The following OR5D13 variants were observed in gnomAD, a reference collection of about 807,000 sequenced individuals.
OR5D13 encodes olfactory receptor family 5 subfamily D member 13.
For synonymous variants in OR5D13, 192 were observed against 134.3 expected (o/e 1.43, Z -2.97); for missense variants, 470 against 372.1 (o/e 1.26, Z -2.16).
In OR5D13 at chr11:55,774,018, C is replaced by T. The variant is rs546719716; in HGVS notation, c.581C>T (p.Pro194Leu). 2 of 1,613,042 alleles carry T rather than the reference C, an allele frequency of 1.2e-6. No individual in the cohort carries two copies. The highest frequency in any genetic ancestry group is 1.7e-5 in the Admixed American group (1 of 59,936). Residue 194 changes from proline (P) to leucine (L), a missense_variant, in exon 1 of 1, where the codon CCC (proline) becomes CTC (leucine). Transcript: ENST00000623930. ...SVIVSASYSDPYISQRLCFII... is the reference protein window; with the variant it reads ...SVIVSASYSDLYISQRLCFII... Reference sequence around the variant, plus strand: ...ATTGTTTCTGCCTCCTACTCAGACCCCTATATCAGCCAGAGGCTATGCTTT... The same window carrying T: ...ATTGTTTCTGCCTCCTACTCAGACCTCTATATCAGCCAGAGGCTATGCTTT...
rs1458817654 is a variant in OR5D13 at position 55,773,505 on chromosome 11, C to A, written c.68C>A (p.Pro23Gln). 2 of 1,613,194 alleles carry A rather than the reference C, an allele frequency of 1.2e-6. No individual in the cohort carries two copies. The highest frequency in any genetic ancestry group is 1.7e-6 in the Non-Finnish European group (2 of 1,179,656). The change falls in exon 1 of 1, where the codon CCA becomes CAA. Residue 23 changes from proline to glutamine, a missense_variant. Transcript: ENST00000623930. ...ATTCTCTTGGGTTTTTCAGAATACCCAGAAATCCAGGTTCCACTCTTTCTG... is the reference window on the plus strand; with the variant it reads ...ATTCTCTTGGGTTTTTCAGAATACCAAGAAATCCAGGTTCCACTCTTTCTG... ...TFILLGFSEY[P>Q]EIQVPLFLVF... is the part of the protein sequence containing the mutation.
chr11:55,773,944 G>A lies in OR5D13; in HGVS notation c.507G>A (p.Ser169=), dbSNP rs145617109. 2.2e-5 allele frequency: 36 copies of A among 1,613,358 alleles called. No homozygotes were observed. The highest frequency in any genetic ancestry group is 1.6e-4 in the Middle Eastern group (1 of 6,082). Reference sequence around the variant, plus strand: ...TCACATATTTTCTTCTTGACTTATCGTTTTGTGAATCTACCTTCATAAATA... The same window carrying A: ...TCACATATTTTCTTCTTGACTTATCATTTTGTGAATCTACCTTCATAAATA... ...LILTYFLLDL[S]FCESTFINNF... Residue 169 remains serine, a synonymous_variant, in exon 1 of 1, where the codon TCG becomes TCA. Coordinates refer to ENST00000623930, the MANE Select transcript of OR5D13 (RefSeq NM_001001967.1).
Position 55,774,033 on chromosome 11 carries a change from G to A in OR5D13, c.596G>A (p.Arg199Lys), listed in dbSNP as rs146084338. The A allele has an allele frequency of 4.3e-4, 690 of 1,613,488 alleles. 4 individuals carry two copies. Among genetic ancestry groups the A allele is most frequent in the South Asian group, 8.5e-4 (77 of 91,072 alleles). The change falls in exon 1 of 1, where the codon AGG becomes AAG. Residue 199 changes from arginine to lysine, a missense_variant. Arg to Lys is a conservative substitution (Grantham distance 26). Transcript: ENST00000623930. ...TACTCAGACCCCTATATCAGCCAGA[G>A]GCTATGCTTTATTATTGCCATATTC... ...ASYSDPYISQ[R>K]LCFIIAIFNE... is the part of the protein sequence containing the mutation.
rs1157043969 is a variant in OR5D13, at chr11:55,774,056, T to C, written c.619T>C (p.Phe207Leu). The C allele has an allele frequency of 2.5e-6, 4 of 1,613,718 alleles. No homozygotes were observed. The African/African-American group carries it at 5.3e-5, about 22-fold the overall frequency. ...GAGGCTATGCTTTATTATTGCCATA[T>C]TCAATGAGGTGAGCAGCCTAATTAT... ...SQRLCFIIAI[F>L]NEVSSLIIIL... Residue 207 changes from phenylalanine (F) to leucine (L), a missense_variant, in exon 1 of 1, where the codon TTC becomes CTC. Transcript: ENST00000623930.
rs1590568974 is a variant in OR5D13 at position 55,774,093 on chromosome 11, C to A, written c.656C>A (p.Ser219Ter). ...AGCAGCCTAATTATCATTCTGACAT[C>A]ATATATGCTTATTTTCACTACCATT... is the stretch of plus-strand genomic sequence containing the variant. ...EVSSLIIILTSYMLIFTTIMK... is the reference protein window; with the variant it reads ...EVSSLIIILT The change falls in exon 1 of 1, where the codon TCA becomes TAA. Residue 219 changes from serine (S) to a stop codon, truncating the protein, a stop_gained. Transcript: ENST00000623930. LOFTEE classifies it low-confidence loss of function (END_TRUNC). 6.2e-7 allele frequency: 1 copy of A among 1,613,858 alleles called. No individual in the cohort carries two copies. The highest frequency in any genetic ancestry group is 2.2e-5 in the East Asian group (1 of 44,866).
chr11:55,774,094 A>T lies in OR5D13; in HGVS notation c.657A>T (p.Ser219=). 6.2e-7 allele frequency: 1 copy of T among 1,613,834 alleles called. No homozygotes were observed. The highest frequency in any genetic ancestry group is 1.1e-5 in the South Asian group (1 of 91,076). ...GCAGCCTAATTATCATTCTGACATC[A>T]TATATGCTTATTTTCACTACCATTA... The part of the protein sequence containing the change: ...EVSSLIIILT[S]YMLIFTTIMK... Residue 219 remains serine, a synonymous_variant, in exon 1 of 1, where the codon TCA becomes TCT. Transcript: ENST00000623930.
rs1444422171 is a variant in OR5D13 at position 55,774,086 on chromosome 11, C to CT, written c.650dup (p.Thr218AspfsTer48). 1 of 1,613,772 alleles carries CT rather than the reference C, an allele frequency of 6.2e-7. No individual in the cohort carries two copies. Among genetic ancestry groups the CT allele is most frequent in the Non-Finnish European group, 8.5e-7 (1 of 1,180,022 alleles). On this transcript the variant is annotated frameshift_variant, in exon 1 of 1. Coordinates refer to ENST00000623930, the MANE Select transcript of OR5D13 (RefSeq NM_001001967.1). LOFTEE classifies it low-confidence loss of function (END_TRUNC). ...TGAGGTGAGCAGCCTAATTATCATT[C>CT]TGACATCATATATGCTTATTTTCAC...
chr11:55,773,545 C>A lies in OR5D13; in HGVS notation c.108C>A (p.Val36=), dbSNP rs200492542. ...CACTCTTTCTGGTTTTCTTGTTCGT[C>A]TACACAGTCACTGTAGTGGGGAACT... is the stretch of plus-strand genomic sequence containing the variant. The part of the protein sequence containing the change: ...QVPLFLVFLF[V]YTVTVVGNLG... Residue 36 remains valine, a synonymous_variant, in exon 1 of 1, where the codon GTC becomes GTA. Transcript: ENST00000623930. 1.9e-6 allele frequency: 3 copies of A among 1,613,026 alleles called. No individual in the cohort carries two copies. In the East Asian group the frequency reaches 6.7e-5, roughly 36 times the overall value.
chr11:55,774,140 G>T lies in OR5D13; in HGVS notation c.703G>T (p.Gly235Trp). 1 of 1,613,640 alleles carries T rather than the reference G, an allele frequency of 6.2e-7. No individual in the cohort carries two copies. Among genetic ancestry groups the T allele is most frequent in the Non-Finnish European group, 8.5e-7 (1 of 1,179,900 alleles). Reference sequence around the variant, plus strand: ...CATTATGAAGATGCGATCTGCAAGTGGGCGCCAGAAAACTTTCTCCACCTG... The same window carrying T: ...CATTATGAAGATGCGATCTGCAAGTTGGCGCCAGAAAACTTTCTCCACCTG... Reference protein sequence around the residue: ...TTIMKMRSASGRQKTFSTCAS... With the variant: ...TTIMKMRSASWRQKTFSTCAS... The change falls in exon 1 of 1, where the codon GGG becomes TGG. Residue 235 changes from glycine (G) to tryptophan (W), a missense_variant. Gly to Trp is a radical substitution (Grantham distance 184). Transcript: ENST00000623930.
Position 55,773,666 on chromosome 11 carries a change from A to T in OR5D13, c.229A>T (p.Thr77Ser), listed in dbSNP as rs2134425329. ...HLSLTDFCFS[T>S]VVTPKLLENL... ...GTCCTTGACAGACTTCTGTTTTTCCACTGTAGTTACACCTAAACTGTTGGA... is the reference window on the plus strand; with the variant it reads ...GTCCTTGACAGACTTCTGTTTTTCCTCTGTAGTTACACCTAAACTGTTGGA... The change falls in exon 1 of 1, where the codon ACT (threonine) becomes TCT (serine). Residue 77 changes from threonine (T) to serine (S), a missense_variant. By Grantham distance (58) the Thr-to-Ser change is moderately conservative. Transcript: ENST00000623930. The T allele has an allele frequency of 6.2e-7, 1 of 1,613,190 alleles. No homozygotes were observed. Among genetic ancestry groups the T allele is most frequent in the Admixed American group, 1.7e-5 (1 of 59,938 alleles).
chr11:55,773,951 G>T lies in OR5D13; in HGVS notation c.514G>T (p.Glu172Ter). ...TTTTCTTCTTGACTTATCGTTTTGT[G>T]AATCTACCTTCATAAATAATTTTAT... ...TYFLLDLSFC[E>*]STFINNFICD... is the part of the protein sequence containing the mutation. The change falls in exon 1 of 1, where the codon GAA (glutamate) becomes TAA (stop). Residue 172 changes from glutamate to a stop codon, truncating the protein, a stop_gained. Coordinates refer to ENST00000623930, the MANE Select transcript of OR5D13 (RefSeq NM_001001967.1). LOFTEE classifies it low-confidence loss of function (END_TRUNC). The T allele has an allele frequency of 6.2e-7, 1 of 1,613,604 alleles. No homozygotes were observed. The highest frequency in any genetic ancestry group is 8.5e-7 in the Non-Finnish European group (1 of 1,179,804).
chr11:55,773,444 G>A lies in OR5D13; in HGVS notation c.7G>A (p.Ala3Thr), dbSNP rs202107795. The A allele has an allele frequency of 2.5e-6, 4 of 1,587,482 alleles. No homozygotes were observed. Among genetic ancestry groups the A allele is most frequent in the African/African-American group, 1.4e-5 (1 of 73,256 alleles). ...TTTTAATCCAACAAGTATCATGATG[G>A]CATCTGAAAGAAATCAAAGCAGCAC... Reference protein sequence around the residue: MMASERNQSSTPT... With the variant: MMTSERNQSSTPT... The change falls in exon 1 of 1, where the codon GCA becomes ACA. Residue 3 changes from alanine (A) to threonine (T), a missense_variant. Transcript: ENST00000623930.
At position 55,773,491 on chromosome 11, in the gene OR5D13, T is replaced by G; in HGVS notation, c.54T>G (p.Gly18=). Reference sequence around the variant, plus strand: ...GCACACCCACTTTTATTCTCTTGGGTTTTTCAGAATACCCAGAAATCCAGG... The same window carrying G: ...GCACACCCACTTTTATTCTCTTGGGGTTTTCAGAATACCCAGAAATCCAGG... ...QSSTPTFILL[G]FSEYPEIQVP... Residue 18 remains glycine, a synonymous_variant, in exon 1 of 1, where the codon GGT becomes GGG. Coordinates refer to ENST00000623930, the MANE Select transcript of OR5D13 (RefSeq NM_001001967.1). The G allele has an allele frequency of 6.2e-7, 1 of 1,612,984 alleles. No homozygotes were observed. Among genetic ancestry groups the G allele is most frequent in the Non-Finnish European group, 8.5e-7 (1 of 1,179,650 alleles).
chr11:55,774,141 G>T lies in OR5D13; in HGVS notation c.704G>T (p.Gly235Val). The change falls in exon 1 of 1, where the codon GGG becomes GTG. Residue 235 changes from glycine to valine, a missense_variant. Transcript: ENST00000623930. ...TTIMKMRSAS[G>V]RQKTFSTCAS... Reference sequence around the variant, plus strand: ...ATTATGAAGATGCGATCTGCAAGTGGGCGCCAGAAAACTTTCTCCACCTGT... The same window carrying T: ...ATTATGAAGATGCGATCTGCAAGTGTGCGCCAGAAAACTTTCTCCACCTGT... 6.2e-7 allele frequency: 1 copy of T among 1,613,668 alleles called. No homozygotes were observed. Among genetic ancestry groups the T allele is most frequent in the Non-Finnish European group, 8.5e-7 (1 of 1,179,940 alleles).
In OR5D13 at chr11:55,773,972, T is replaced by G; in HGVS notation, c.535T>G (p.Phe179Val). 6.2e-7 allele frequency: 1 copy of G among 1,613,670 alleles called. No homozygotes were observed. The highest frequency in any genetic ancestry group is 8.5e-7 in the Non-Finnish European group (1 of 1,179,830). Residue 179 changes from phenylalanine to valine, a missense_variant, in exon 1 of 1, where the codon TTT becomes GTT. Physicochemically the swap from Phe to Val is conservative, Grantham distance 50. Transcript: ENST00000623930. ...SFCESTFINN[F>V]ICDHSVIVSA... Reference sequence around the variant, plus strand: ...TTGTGAATCTACCTTCATAAATAATTTTATCTGTGACCACTCTGTAATTGT... The same window carrying G: ...TTGTGAATCTACCTTCATAAATAATGTTATCTGTGACCACTCTGTAATTGT...
chr11:55,773,735 A>G lies in OR5D13; in HGVS notation c.298A>G (p.Ile100Val), dbSNP rs1258934762. 1.2e-6 allele frequency: 2 copies of G among 1,613,978 alleles called. No homozygotes were observed. The highest frequency in any genetic ancestry group is 1.7e-6 in the Non-Finnish European group (2 of 1,180,006). ...EYRTISFSGC[I>V]MQFCFACIFG... ...CAGAACCATCTCTTTCTCTGGTTGC[A>G]TCATGCAATTTTGTTTTGCTTGCAT... is the stretch of plus-strand genomic sequence containing the variant. The change falls in exon 1 of 1, where the codon ATC becomes GTC. Residue 100 changes from isoleucine (I) to valine (V), a missense_variant. Physicochemically the swap from Ile to Val is conservative, Grantham distance 29. Transcript: ENST00000623930.
Position 55,773,547 on chromosome 11 carries a change from A to G in OR5D13, c.110A>G (p.Tyr37Cys), listed in dbSNP as rs1853279804. Reference sequence around the variant, plus strand: ...CTCTTTCTGGTTTTCTTGTTCGTCTACACAGTCACTGTAGTGGGGAACTTG... The same window carrying G: ...CTCTTTCTGGTTTTCTTGTTCGTCTGCACAGTCACTGTAGTGGGGAACTTG... ...VPLFLVFLFVYTVTVVGNLGM... is the reference protein window; with the variant it reads ...VPLFLVFLFVCTVTVVGNLGM... Residue 37 changes from tyrosine (Y) to cysteine (C), a missense_variant, in exon 1 of 1, where the codon TAC becomes TGC. Coordinates refer to ENST00000623930, the MANE Select transcript of OR5D13 (RefSeq NM_001001967.1). The G allele has an allele frequency of 6.2e-7, 1 of 1,612,702 alleles. No individual in the cohort carries two copies. Among genetic ancestry groups the G allele is most frequent in the South Asian group, 1.1e-5 (1 of 91,056 alleles).
chr11:55,773,656 C>G lies in OR5D13; in HGVS notation c.219C>G (p.Phe73Leu). ...TTAGTCACTTGTCCTTGACAGACTT[C>G]TGTTTTTCCACTGTAGTTACACCTA... Reference protein sequence around the residue: ...FFLSHLSLTDFCFSTVVTPKL... With the variant: ...FFLSHLSLTDLCFSTVVTPKL... The change falls in exon 1 of 1, where the codon TTC becomes TTG. Residue 73 changes from phenylalanine to leucine, a missense_variant. Phe to Leu is a conservative substitution (Grantham distance 22). Coordinates refer to ENST00000623930, the MANE Select transcript of OR5D13 (RefSeq NM_001001967.1). 4.3e-6 allele frequency: 7 copies of G among 1,613,282 alleles called. No individual in the cohort carries two copies. The highest frequency in any genetic ancestry group is 1.1e-5 in the South Asian group (1 of 91,052).
chr11:55,773,540 T>G lies in OR5D13; in HGVS notation c.103T>G (p.Phe35Val), dbSNP rs1353989186. The change falls in exon 1 of 1, where the codon TTC becomes GTC. Residue 35 changes from phenylalanine to valine, a missense_variant. Physicochemically the swap from Phe to Val is conservative, Grantham distance 50. Transcript: ENST00000623930. ...GGTTCCACTCTTTCTGGTTTTCTTGTTCGTCTACACAGTCACTGTAGTGGG... is the reference window on the plus strand; with the variant it reads ...GGTTCCACTCTTTCTGGTTTTCTTGGTCGTCTACACAGTCACTGTAGTGGG... ...IQVPLFLVFL[F>V]VYTVTVVGNL... The G allele has an allele frequency of 1.2e-6, 2 of 1,613,020 alleles. No homozygotes were observed. Among genetic ancestry groups the G allele is most frequent in the Non-Finnish European group, 8.5e-7 (1 of 1,179,386 alleles).
Sources: allele counts gnomAD v4.1 joint callset, GRCh38; gene constraint gnomAD v4.1.1; transcripts MANE v1.5; gene names NCBI Gene and HGNC (gene_info 2026-07-23, HGNC 2026-07-21).